The following LPP variants were observed in gnomAD, a reference collection of about 807,000 sequenced individuals.
LPP encodes the protein LIM domain containing preferred translocation partner in lipoma, also known as lipoma-preferred partner.
LPP carries 38 observed loss-of-function variants against 60.4 expected under a neutral mutation model. The observed-to-expected ratio is 0.63, with a 90% CI of 0.49 to 0.83. The LOEUF (loss-of-function observed/expected upper bound fraction) is 0.83. Ranked by LOEUF, LPP falls within the 40% of genes least tolerant of loss-of-function variation. The pLI, the probability that LPP is intolerant of heterozygous loss-of-function variation, is 0.00. For synonymous variants in LPP, 328 were observed against 290.8 expected, an observed-to-expected ratio of 1.13 and a Z score of -1.30; for missense variants, 902 against 783.6, an observed-to-expected ratio of 1.15 and a Z score of -1.80.
At chr3:188,334,286 T>C (rs1445202654) in intron 2 of LPP, among the ~76,000 whole-genome samples, 2 of 152,190 alleles carry the variant, frequency 1.3e-5, no homozygotes, top group Non-Finnish European at 2.9e-5. Flanking sequence ...GATACTTAGA[T>C]TGATTCCTTA....
At chr3:188,796,940 C>A (rs561201339) in intron 9 of LPP, among the ~76,000 whole-genome samples, 1 of 152,090 alleles carries the variant, frequency 6.6e-6, no homozygotes. Flanking sequence ...TTCTTCATCC[C>A]GTTTCCTGCC....
At chr3:188,728,851 T>C (rs1719371247) in intron 8 of LPP, among the ~76,000 whole-genome samples, 1 of 150,860 alleles carries the variant, frequency 6.6e-6, no homozygotes, top group Admixed American at 6.7e-5. Flanking sequence ...GTGGGGTGAA[T>C]TAGAATTACT....
intron 2 of LPP, among the ~76,000 whole-genome samples, chr3:188,272,246 AG>A (rs1738002821): frequency 1.3e-5 from 2 of 152,208 alleles, no homozygotes; most frequent in South Asian, 4.1e-4. Flanking sequence ...AGCTCTTAAA[AG>A]CATGAATTTA....
chr3:188,824,993 G>T (rs188570609), intron 9 of LPP, among the ~76,000 whole-genome samples: 1 of 152,094 alleles, frequency 6.6e-6, no homozygotes. Flanking sequence ...TTCATCTTAC[G>T]TGACCAAGAG....
In LPP at chr3:188,872,716, A is replaced by T; in HGVS notation, c.1663A>T (p.Ile555Phe). The part of the protein sequence containing the change: ...PAPGQEETVR[I>F]VALDRDFHVH... ...CCCGGGCCAGGAGGAGACTGTCCGT[A>T]TTGTGGCTTTGGATCGAGATTTCCA... The change falls in exon 11 of 12, where the codon ATT (isoleucine) becomes TTT (phenylalanine). Residue 555 changes from isoleucine to phenylalanine, a missense_variant. Physicochemically the swap from Ile to Phe is conservative, Grantham distance 21 (BLOSUM62 0). Transcript: ENST00000617246. 2 of 1,614,122 alleles carry T rather than the reference A, an allele frequency of 1.2e-6. No homozygotes were observed. Among genetic ancestry groups the T allele is most frequent in the Non-Finnish European group, 1.7e-6 (2 of 1,180,010 alleles).
chr3:188,188,292 T>A lies in LPP; in HGVS notation c.-190+34040T>A, dbSNP rs146071020. On this transcript the variant is annotated intron_variant, in intron 1 of 11. Coordinates refer to ENST00000617246, the MANE Select transcript of LPP (RefSeq NM_001375462.1). ...GGAGCAGTAAGAATTGGGAGGGGAG[T>A]ACCACCTCTGAATCAGCACATTTAG... 8.1e-3 allele frequency among the ~76,000 whole-genome samples: 1,234 copies of A among 152,134 alleles called. 8 individuals carry two copies. The highest frequency in any genetic ancestry group is 0.012 in the Non-Finnish European group (804 of 68,004).
intron 7 of LPP, among the ~76,000 whole-genome samples, chr3:188,654,787 C>T (rs535634626): frequency 6.6e-6 from 1 of 152,266 alleles, no homozygotes; most frequent in Admixed American, 6.5e-5. Context: ...GTACAAGAAT[C>T]CTTTCACAAA....
Position 188,592,563 on chromosome 3 carries a change from T to TTTGG in LPP, c.430-16598_430-16597insTTGG. The stretch of plus-strand genomic sequence containing the variant: ...TGTTTTTAGTTTTGTTTTTGTTTTT[T>TTTGG]AAATGGAGTCTCACTCTTTCTCCCA... On this transcript the variant is annotated intron_variant, in intron 6 of 11. Transcript: ENST00000617246. 2.6e-5 allele frequency among the ~76,000 whole-genome samples: 2 copies of TTTGG among 77,226 alleles called. 1 individual carries two copies. Among genetic ancestry groups the TTTGG allele is most frequent in the South Asian group, 1.2e-3 (2 of 1,674 alleles). The allele number at this position is 77,226 out of a possible 152,430, so 50.7% of individuals were successfully genotyped here. A position where few individuals can be genotyped will look rare whatever the true frequency, so the allele number is the denominator to read the frequency against.
chr3:188,609,128 T>C lies in LPP; in HGVS notation c.430-33T>C. ...AGTTTCGTTGGCAGTAATTTTTGCT[T>C]TCTTTCTTTCTTTTTTTTCCTATTC... On this transcript the variant is annotated intron_variant, in intron 6 of 11. Coordinates refer to ENST00000617246, the MANE Select transcript of LPP (RefSeq NM_001375462.1). This position sits in a 1 kb window ranked among gnomAD's most constrained non-coding sequence, Gnocchi z 6.9. The C allele has an allele frequency of 6.7e-7, 1 of 1,498,590 alleles. No homozygotes were observed. Among genetic ancestry groups the C allele is most frequent in the South Asian group, 1.3e-5 (1 of 79,188 alleles). The allele number at this position is 1,498,590 out of a possible 1,614,324, so 92.8% of individuals were successfully genotyped here. A position where few individuals can be genotyped will look rare whatever the true frequency, so the allele number is the denominator to read the frequency against.
At chr3:188,729,329 A>G (rs1225663327) in intron 8 of LPP, among the ~76,000 whole-genome samples, 1 of 152,208 alleles carries the variant, frequency 6.6e-6, no homozygotes, top group Non-Finnish European at 1.5e-5. Flanking sequence ...TGTGATAGTC[A>G]TAGGAAGGAT....
At chr3:188,811,370 A>ACACACG (rs1553855620) in intron 9 of LPP, among the ~76,000 whole-genome samples, 15 of 151,756 alleles carry the variant, frequency 9.9e-5, no homozygotes, top group South Asian at 8.3e-4. Flanking sequence ...ACACACACAC[A>ACACACG]CACACACACA....
At chr3:188,400,763 T>A (rs1782042229) in intron 3 of LPP, among the ~76,000 whole-genome samples, 1 of 152,156 alleles carries the variant, frequency 6.6e-6, no homozygotes, top group South Asian at 2.1e-4. Context: ...ACTTCTTGCT[T>A]TCATGATGAT....
chr3:188,679,552 T>TGTGTGTGC, intron 7 of LPP, among the ~76,000 whole-genome samples: 1 of 140,176 alleles, frequency 7.1e-6, no homozygotes, highest in African/African-American at 2.5e-5. Context: ...TGTGTGTGTG[T>TGTGTGTGC]GTGTGTGTGT....
intron 2 of LPP, among the ~76,000 whole-genome samples, chr3:188,277,219 A>G (rs1740284883): frequency 6.6e-6 from 1 of 152,112 alleles, no homozygotes. Flanking sequence ...CTTTTCTTTT[A>G]AATTACCCAA....
intron 2 of LPP, among the ~76,000 whole-genome samples, chr3:188,245,474 G>T (rs1406043340): frequency 6.6e-6 from 1 of 152,132 alleles, no homozygotes; most frequent in Non-Finnish European, 1.5e-5. Context: ...AGAGCCATTA[G>T]CAGAGAAAAT....
intron 7 of LPP, among the ~76,000 whole-genome samples, chr3:188,650,237 T>A (rs1851824488): frequency 6.6e-6 from 1 of 152,142 alleles, no homozygotes; most frequent in South Asian, 2.1e-4. Flanking sequence ...TATCACTCCA[T>A]AGATGAGTTA....
chr3:188,743,925 G>A (rs1725279292), intron 8 of LPP: 1 of 152,014 alleles, frequency 6.6e-6, no homozygotes, highest in Non-Finnish European at 1.5e-5. Context: ...GGTTTGGCAT[G>A]CGTCTTCTTT....
chr3:188,182,961 A>C lies in LPP; in HGVS notation c.-190+28709A>C, dbSNP rs193199472. On this transcript the variant is annotated intron_variant, in intron 1 of 11. Coordinates refer to ENST00000617246, the MANE Select transcript of LPP (RefSeq NM_001375462.1). This position sits in a 1 kb window ranked among gnomAD's most constrained non-coding sequence, Gnocchi z 4.4. ...ATTGTACATTGCTGGTGAAAAACCA[A>C]TGGTCTAGGCCAGCATCCTATTGTA... 6.6e-6 allele frequency among the ~76,000 whole-genome samples: 1 copy of C among 151,824 alleles called. No homozygotes were observed.
At position 188,636,651 on chromosome 3, in the gene LPP, T is replaced by G. The variant is rs541535040; in HGVS notation, c.1113+26807T>G. Among the ~76,000 whole-genome samples the G allele has an allele frequency of 5.9e-3, 891 of 152,238 alleles. 7 individuals are homozygous for G. Among genetic ancestry groups the G allele is most frequent in the African/African-American group, 0.02 (827 of 41,536 alleles). On this transcript the variant is annotated intron_variant, in intron 7 of 11. Coordinates refer to ENST00000617246, the MANE Select transcript of LPP (RefSeq NM_001375462.1). ...CAGCAGTAACCTCTGCAGACTTAAA[T>G]GTCCCTGTCTGACAGCTTTGAAGAG... is the stretch of plus-strand genomic sequence containing the variant.
Sources: gnomAD v4.1 joint callset for allele counts (sites outside exome capture counted in the v4.1 genomes callset) on GRCh38, gnomAD v4.1.1 for gene constraint, Gnocchi (gnomAD v3.1) non-coding constraint, MANE v1.5 for transcripts, NCBI Gene and HGNC (gene_info 2026-07-23, HGNC 2026-07-21) for gene names.